STEAP1B: variants seen among roughly 807,000 people sequenced by gnomAD.
STEAP1B encodes STEAP family member 1B, also known as STEAP family protein MGC87042.
A neutral mutation model predicts 27.9 loss-of-function variants in STEAP1B; 13 were observed. The observed-to-expected ratio is 0.47, with a 90% CI of 0.30 to 0.74. The LOEUF is 0.74. Ranked by LOEUF, STEAP1B falls within the 30% of genes least tolerant of loss-of-function variation. The probability of loss-of-function intolerance (pLI) is 0.06; values close to 1 mark genes in which losing one functional copy is unlikely to be tolerated. For synonymous variants in STEAP1B, 86 were observed against 107.1 expected (o/e 0.80, Z 1.22); for missense variants, 250 against 298.7 (o/e 0.84, Z 1.20).
chr7:22,460,138 C>T (rs1010128390), intron 4 of STEAP1B, among the ~76,000 whole-genome samples: 19 of 151,652 alleles, frequency 1.3e-4, no homozygotes, highest in African/African-American at 3.4e-4. Flanking sequence ...AGTGAAACCC[C>T]GTCTCTACAA....
chr7:22,496,550 T>A (rs1177007659), intron 1 of STEAP1B, among the ~76,000 whole-genome samples: 1 of 152,244 alleles, frequency 6.6e-6, no homozygotes, highest in African/African-American at 2.4e-5. Flanking sequence ...TACAATTTTT[T>A]ATCTTTTATA....
At chr7:22,427,574 C>A (rs1041928838) in intron 4 of STEAP1B, among the ~76,000 whole-genome samples, 5 of 152,074 alleles carry the variant, frequency 3.3e-5, no homozygotes, top group Admixed American at 2.6e-4. Context: ...GTTGGAGATA[C>A]AATTATTAAA....
intron 4 of STEAP1B, among the ~76,000 whole-genome samples, chr7:22,432,978 T>C (rs1785208997): frequency 6.6e-6 from 1 of 152,164 alleles, no homozygotes; most frequent in South Asian, 2.1e-4. Flanking sequence ...AGAAAAATAC[T>C]CAGCCCTTCA....
In STEAP1B at chr7:22,493,349, T is replaced by C. The variant is rs182567263; in HGVS notation, c.572A>G (p.Lys191Arg). The change falls in exon 3 of 5, where the codon AAG (lysine) becomes AGG (arginine). Residue 191 changes from lysine to arginine, a missense_variant. Transcript: ENST00000678116. ...SYAMRRSYRY[K>R]LLNWAYQQVQ... ...CTGTTGATATGCCCAGTTTAGCAAC[T>C]TGTATCTGTAGGATCGCCTCATTGC... 2.9e-4 allele frequency: 474 copies of C among 1,613,308 alleles called. 5 individuals are homozygous for C. The East Asian group carries it at 0.01, about 36-fold the overall frequency.
At chr7:22,497,751 G>A (rs1786466747) in intron 1 of STEAP1B, among the ~76,000 whole-genome samples, 1 of 152,160 alleles carries the variant, frequency 6.6e-6, no homozygotes, top group South Asian at 2.1e-4. Context: ...ATAAAGAAAG[G>A]AGATTTAATT....
At chr7:22,468,978 T>C (rs1785834435) in intron 4 of STEAP1B, among the ~76,000 whole-genome samples, 1 of 152,258 alleles carries the variant, frequency 6.6e-6, no homozygotes, top group African/African-American at 2.4e-5. Context: ...ATACTTTTTA[T>C]AATTATTTTA....
At chr7:22,476,798 G>C (rs574422139) in intron 4 of STEAP1B, among the ~76,000 whole-genome samples, 3 of 152,296 alleles carry the variant, frequency 2.0e-5, no homozygotes, top group Non-Finnish European at 4.4e-5. Flanking sequence ...CAGGTTCTCA[G>C]AGGCTACGAC....
At chr7:22,462,010 T>C (rs927755874) in intron 4 of STEAP1B, among the ~76,000 whole-genome samples, 2 of 152,212 alleles carry the variant, frequency 1.3e-5, no homozygotes, top group African/African-American at 4.8e-5. Flanking sequence ...GCTCTACTAA[T>C]GGCCAAAACT....
chr7:22,451,281 A>T (rs1785484228), intron 4 of STEAP1B, among the ~76,000 whole-genome samples: 1 of 133,680 alleles, frequency 7.5e-6, no homozygotes, highest in African/African-American at 2.9e-5. Context: ...GCTTTACTGA[A>T]TTTATCAGTT....
At chr7:22,455,657 G>A (rs1224648034) in intron 4 of STEAP1B, among the ~76,000 whole-genome samples, 2 of 152,182 alleles carry the variant, frequency 1.3e-5, no homozygotes, top group South Asian at 2.1e-4. Flanking sequence ...TTCCCAACAC[G>A]TGGTTTGCCT....
chr7:22,432,722 C>T (rs1167636270), intron 4 of STEAP1B, among the ~76,000 whole-genome samples: 1 of 152,170 alleles, frequency 6.6e-6, no homozygotes, highest in Non-Finnish European at 1.5e-5. Context: ...CTGTTTCCTT[C>T]CTAAACCTTG....
At chr7:22,433,576 A>G (rs1342551244) in intron 4 of STEAP1B, among the ~76,000 whole-genome samples, 4 of 152,162 alleles carry the variant, frequency 2.6e-5, no homozygotes, top group Admixed American at 6.5e-5. Flanking sequence ...GAGGAGATCT[A>G]TGTAGGAAAG....
intron 4 of STEAP1B, among the ~76,000 whole-genome samples, chr7:22,444,386 T>C (rs1179974562): frequency 1.3e-5 from 2 of 151,988 alleles, no homozygotes; most frequent in African/African-American, 4.8e-5. Flanking sequence ...CAATCACCTC[T>C]AACTATGCGT....
In STEAP1B at chr7:22,427,029, C is replaced by G. The variant is rs141432139; in HGVS notation, c.763-7193G>C. Among the ~76,000 whole-genome samples, 784 of 152,258 alleles carry G rather than the reference C, an allele frequency of 5.1e-3. 5 individuals are homozygous for G. Among genetic ancestry groups the G allele is most frequent in the African/African-American group, 0.018 (750 of 41,546 alleles). ...ACGTCAAGTACAAACACCCCTACAC[C>G]AGGCCTGCCTGAGGAATAGAGAGGT... On this transcript the variant is annotated intron_variant, in intron 4 of 4. Coordinates refer to ENST00000678116, the MANE Select transcript of STEAP1B (RefSeq NM_001382447.1).
At chr7:22,472,147 G>C (rs1785896284) in intron 4 of STEAP1B, among the ~76,000 whole-genome samples, 1 of 152,188 alleles carries the variant, frequency 6.6e-6, no homozygotes, top group Non-Finnish European at 1.5e-5. Context: ...TCTGGAATGA[G>C]AAAACTAAAT....
intron 2 of STEAP1B, among the ~76,000 whole-genome samples, chr7:22,494,352 G>A (rs1478668230): frequency 6.6e-6 from 1 of 151,878 alleles, no homozygotes; most frequent in Non-Finnish European, 1.5e-5. Context: ...TTTACTAGAT[G>A]ATCTCTTGGT....
At chr7:22,445,000 C>T (rs1785387987) in intron 4 of STEAP1B, among the ~76,000 whole-genome samples, 1 of 152,192 alleles carries the variant, frequency 6.6e-6, no homozygotes, top group Admixed American at 6.5e-5. Flanking sequence ...GATCAGTCGT[C>T]TTCTCTAACC....
intron 4 of STEAP1B, among the ~76,000 whole-genome samples, chr7:22,464,640 G>A (rs1583644067): frequency 6.6e-6 from 1 of 151,946 alleles, no homozygotes; most frequent in East Asian, 1.9e-4. Context: ...CTTATAAGAG[G>A]AGGAAATTTG....
chr7:22,493,899 A>C (rs145105713), intron 2 of STEAP1B, 63 bp from the exon 3 acceptor site: 48,979 of 1,494,130 alleles, frequency 0.033, 1,580 homozygotes, highest in Admixed American at 0.16. Flanking sequence ...CTCTTGAACT[A>C]ATTACTTATT....
Sources: gnomAD v4.1 joint callset for allele counts (sites outside exome capture counted in the v4.1 genomes callset) on GRCh38, gnomAD v4.1.1 for gene constraint, MANE v1.5 for transcripts, NCBI Gene and HGNC (gene_info 2026-07-23, HGNC 2026-07-21) for gene names.